Variants in NUP214 observed in about 807,000 individuals in gnomAD.
The protein encoded by NUP214 is nuclear pore complex protein Nup214.
NUP214 carries 79 observed loss-of-function variants against 196.2 expected under a neutral mutation model. The observed-to-expected ratio is 0.40, with a 90% CI of 0.34 to 0.49. NUP214 has a LOEUF of 0.49. Ranked by LOEUF, NUP214 falls within the 20% of genes least tolerant of loss-of-function variation. The pLI, the probability that NUP214 is intolerant of heterozygous loss-of-function variation, is 0.58. For synonymous variants in NUP214, 1,020 were observed against 990.5 expected (o/e 1.03, Z -0.56); for missense variants, 2,468 against 2,539.0 (o/e 0.97, Z 0.60).
At position 131,232,302 on chromosome 9, in the gene NUP214, A is replaced by T. The variant is rs144737973; in HGVS notation, c.6233A>T (p.Asn2078Ile). The T allele has an allele frequency of 6.2e-7, 1 of 1,614,168 alleles. No individual in the cohort carries two copies. Among genetic ancestry groups the T allele is most frequent in the East Asian group, 2.2e-5 (1 of 44,888 alleles). Residue 2078 changes from asparagine (N) to isoleucine (I), a missense_variant, in exon 35 of 36, where the codon AAT becomes ATT. By Grantham distance (149) the Asn-to-Ile change is moderately radical. Around this residue, in one of 5 missense-constraint regions of NUP214, gnomAD observed 262 missense variants for 296.5 expected, o/e 0.88. Coordinates refer to ENST00000359428, the MANE Select transcript of NUP214 (RefSeq NM_005085.4). The surrounding 1 kb of genome is among the most constrained non-coding windows in gnomAD (Gnocchi z 5.1). ...SGTGGFSFGS[N>I]NSSVQGFGGW... ...TTTTCAGGGTTCAGCTTTGGGTCAAATAACTCGTAAGTATCCCCCTTTTTG... is the reference window on the plus strand; with the variant it reads ...TTTTCAGGGTTCAGCTTTGGGTCAATTAACTCGTAAGTATCCCCCTTTTTG...
Position 131,222,819 on chromosome 9 carries a change from G to C in NUP214, c.5791G>C (p.Gly1931Arg), listed in dbSNP as rs148688072. ...TGGAAACAGTGGGGCCAAGACATTTGGTGGATTTGCCAGCTCGTCGTTTGG... is the reference window on the plus strand; with the variant it reads ...TGGAAACAGTGGGGCCAAGACATTTCGTGGATTTGCCAGCTCGTCGTTTGG... ...LFGNSGAKTF[G>R]GFASSSFGEQ... is the part of the protein sequence containing the mutation. Residue 1931 changes from glycine to arginine, a missense_variant, in exon 32 of 36, where the codon GGT becomes CGT. By Grantham distance (125) the Gly-to-Arg change is moderately radical. Coordinates refer to ENST00000359428, the MANE Select transcript of NUP214 (RefSeq NM_005085.4). 5.4e-5 allele frequency: 87 copies of C among 1,614,122 alleles called. No homozygotes were observed. The African/African-American group carries it at 1.2e-3, about 22-fold the overall frequency.
intron 9 of NUP214, 50 bp downstream of exon 9, chr9:131,136,056 A>G (rs753121028): frequency 3.5e-6 from 5 of 1,421,254 alleles, no homozygotes; most frequent in East Asian, 4.6e-5. Flanking sequence ...TTAAATTATT[A>G]TTTTGAGACA....
chr9:131,151,628 G>A, intron 16 of NUP214, 108 bp from the exon 17 acceptor site: 1 of 737,512 alleles, frequency 1.4e-6, no homozygotes, highest in Non-Finnish European at 2.2e-6. Flanking sequence ...ATGTTCAGAT[G>A]TTCATTCTGT....
At chr9:131,230,144 G>A (rs982765367) in intron 33 of NUP214, 1 of 194,680 alleles carries the variant, frequency 5.1e-6, no homozygotes, top group South Asian at 7.8e-5. Context: ...ATTGGTTTGG[G>A]TAGTAATTAT....
intron 17 of NUP214, among the ~76,000 whole-genome samples, chr9:131,157,248 G>C (rs1018290971): frequency 6.6e-6 from 1 of 151,662 alleles, no homozygotes; most frequent in South Asian, 2.1e-4. Context: ...CTGCAGCCTC[G>C]AACTCGGGCT....
At position 131,147,645 on chromosome 9, in the gene NUP214, A is replaced by T; in HGVS notation, c.2040+61A>T. ...TTAATTTACTGCCCCAAGCATACCT[A>T]TGAATAAAATGAGTTTTCATGTTTT... On this transcript the variant is annotated intron_variant, in intron 14 of 35. Coordinates refer to ENST00000359428, the MANE Select transcript of NUP214 (RefSeq NM_005085.4). 2.5e-6 allele frequency: 3 copies of T among 1,184,138 alleles called. No homozygotes were observed. In the South Asian group the frequency reaches 3.7e-5, roughly 15 times the overall value. 73.4% of individuals were successfully genotyped at this position (1,184,138 alleles called of 1,614,324 possible). A position where few individuals can be genotyped will look rare whatever the true frequency, so the allele number is the denominator to read the frequency against.
chr9:131,140,655 C>G lies in NUP214; in HGVS notation c.1239C>G (p.Leu413=). 3 of 1,614,088 alleles carry G rather than the reference C, an allele frequency of 1.9e-6. No homozygotes were observed. Among genetic ancestry groups the G allele is most frequent in the Non-Finnish European group, 2.5e-6 (3 of 1,179,984 alleles). The change falls in exon 11 of 36, where the codon CTC becomes CTG. Residue 413 remains leucine, a synonymous_variant. Coordinates refer to ENST00000359428, the MANE Select transcript of NUP214 (RefSeq NM_005085.4). ...ATCAAAATCCTGGGGTTAAGTCTCT[C>G]ATCAAAACACCAGAGCGACTTTCAT... ...MINQNPGVKS[L]IKTPERLSLE... is the part of the protein sequence containing the mutation.
At position 131,232,574 on chromosome 9, in the gene NUP214, G is replaced by A. The variant is rs988781563; in HGVS notation, c.6239+266G>A. On this transcript the variant is annotated intron_variant, in intron 35 of 35. Coordinates refer to ENST00000359428, the MANE Select transcript of NUP214 (RefSeq NM_005085.4). The surrounding 1 kb of genome is among the most constrained non-coding windows in gnomAD (Gnocchi z 5.1). ...GCACGCCTGCCAGTGAGCTGGGCCT[G>A]AGGGCAGCGCTGAGGAGATGCTGCT... 1 of 560,096 alleles carries A rather than the reference G, an allele frequency of 1.8e-6. No homozygotes were observed. The highest frequency in any genetic ancestry group is 3.0e-5 in the Admixed American group (1 of 33,372). The allele number at this position is 560,096 out of a possible 1,614,324, so 34.7% of individuals were successfully genotyped here. A position where few individuals can be genotyped will look rare whatever the true frequency, so the allele number is the denominator to read the frequency against.
intron 21 of NUP214, among the ~76,000 whole-genome samples, chr9:131,165,563 G>A (rs866867795): frequency 1.3e-5 from 2 of 152,152 alleles, no homozygotes; most frequent in Admixed American, 6.5e-5. Flanking sequence ...AAACAGTTTG[G>A]TGGTTCCTCA....
In NUP214 at chr9:131,127,748, A is replaced by G. The variant is rs371839837; in HGVS notation, c.241+29A>G. The G allele has an allele frequency of 7.8e-6, 12 of 1,530,934 alleles. No homozygotes were observed. The African/African-American group carries it at 1.2e-4, about 16-fold the overall frequency. The allele number at this position is 1,530,934 out of a possible 1,614,324, so 94.8% of individuals were successfully genotyped here. On this transcript the variant is annotated intron_variant, in intron 2 of 35. Coordinates refer to ENST00000359428, the MANE Select transcript of NUP214 (RefSeq NM_005085.4). ...AGTTCCCTGGTTTATGTTGCAAAGT[A>G]GAGAGAGGAGTATGGTGGCATGCTC...
chr9:131,130,726 C>G, intron 4 of NUP214, 40 bp from the exon 5 acceptor site: 1 of 1,576,536 alleles, frequency 6.3e-7, no homozygotes, highest in Non-Finnish European at 8.7e-7. Flanking sequence ...TGGTTTGCTC[C>G]ATTTTCTTGT....
intron 18 of NUP214, 78 bp downstream of exon 18, chr9:131,159,564 A>G (rs1482484869): frequency 4.9e-5 from 62 of 1,271,240 alleles, no homozygotes; most frequent in Non-Finnish European, 6.5e-5. Context: ...TTAGGAACAT[A>G]TGAAAATCCC....
At chr9:131,134,647 A>C (rs1831661293) in intron 7 of NUP214, among the ~76,000 whole-genome samples, 1 of 152,192 alleles carries the variant, frequency 6.6e-6, no homozygotes, top group African/African-American at 2.4e-5. Flanking sequence ...AACACTAAGT[A>C]TCAGGAAGGT....
At chr9:131,129,561 C>T (rs1831463790) in intron 4 of NUP214, 84 bp downstream of exon 4, 1 of 1,360,368 alleles carries the variant, frequency 7.4e-7, no homozygotes, top group Non-Finnish European at 1.0e-6. Context: ...AAGTGGATAG[C>T]TTTTTGTGTT....
At chr9:131,199,055 G>C in intron 29 of NUP214, 40 bp downstream of exon 29, 1 of 1,537,488 alleles carries the variant, frequency 6.5e-7, no homozygotes. Flanking sequence ...TTCCCTCTCT[G>C]CTATTTGAAA....
Position 131,144,615 on chromosome 9 carries a change from G to C in NUP214, c.1630G>C (p.Ala544Pro). The change falls in exon 12 of 36, where the codon GCT (alanine) becomes CCT (proline). Residue 544 changes from alanine to proline, a missense_variant. Physicochemically the swap from Ala to Pro is conservative, Grantham distance 27. Transcript: ENST00000359428. Reference sequence around the variant, plus strand: ...AGCGTCTCCTGTGGCTCCATCAGCTGCTTCATTCTCCTTTGGATCATCTGG... The same window carrying C: ...AGCGTCTCCTGTGGCTCCATCAGCTCCTTCATTCTCCTTTGGATCATCTGG... ...PAASPVAPSA[A>P]SFSFGSSGFK... 6.2e-7 allele frequency: 1 copy of C among 1,614,088 alleles called. No individual in the cohort carries two copies. Among genetic ancestry groups the C allele is most frequent in the Non-Finnish European group, 8.5e-7 (1 of 1,180,022 alleles).
chr9:131,204,887 A>G (rs1489262410), intron 30 of NUP214, among the ~76,000 whole-genome samples: 1 of 152,242 alleles, frequency 6.6e-6, no homozygotes, highest in Non-Finnish European at 1.5e-5. Flanking sequence ...ATTAAAAGCA[A>G]CTAGAGAAAA....
At chr9:131,202,292 A>G (rs1833960699) in intron 30 of NUP214, among the ~76,000 whole-genome samples, 1 of 151,944 alleles carries the variant, frequency 6.6e-6, no homozygotes, top group African/African-American at 2.4e-5. Flanking sequence ...GGCTAAATAC[A>G]CTGTTTGGCT....
chr9:131,125,852 G>T lies in NUP214; in HGVS notation c.45+103G>T. On this transcript the variant is annotated intron_variant, in intron 1 of 35. Transcript: ENST00000359428. This position sits in a 1 kb window ranked among gnomAD's most constrained non-coding sequence, Gnocchi z 4.1. The stretch of plus-strand genomic sequence containing the variant: ...GTGCTGGCTGTCCCGCCTCCTGCTT[G>T]AACAGTTTACCGCGTTCACAGCTCT... The T allele has an allele frequency of 7.3e-7, 1 of 1,371,386 alleles. No individual in the cohort carries two copies. Among genetic ancestry groups the T allele is most frequent in the Non-Finnish European group, 1.0e-6 (1 of 995,792 alleles). 85.0% of individuals were successfully genotyped at this position (1,371,386 alleles called of 1,614,324 possible).
Sources: gnomAD v4.1 joint callset for allele counts (sites outside exome capture counted in the v4.1 genomes callset) on GRCh38, gnomAD v4.1.1 for gene constraint, gnomAD v4.1.1 regional missense constraint, Gnocchi (gnomAD v3.1) non-coding constraint, MANE v1.5 for transcripts, NCBI Gene and HGNC (gene_info 2026-07-23, HGNC 2026-07-21) for gene names.